The following CNTNAP2 variants were observed in gnomAD, a reference collection of about 807,000 sequenced individuals.
CNTNAP2 encodes the protein contactin-associated protein-like 2.
In CNTNAP2, 98 loss-of-function variants were observed where a neutral mutation model predicts 155.2. The ratio of observed to expected loss-of-function variants is 0.63; its 90% CI spans 0.54 to 0.75. The LOEUF (loss-of-function observed/expected upper bound fraction) is 0.75. Among genes scored for constraint, CNTNAP2 ranks in the 30% least tolerant of loss-of-function variants. CNTNAP2 has a pLI of 0.00. For missense variants in CNTNAP2, 1,727 were observed against 1,688.1 expected, an observed-to-expected ratio of 1.02 and a Z score of -0.40; for synonymous variants, 651 against 631.2, an observed-to-expected ratio of 1.03 and a Z score of -0.47.
intron 15 of CNTNAP2, among the ~76,000 whole-genome samples, chr7:148,056,082 G>T (rs935854423): frequency 6.6e-6 from 1 of 152,214 alleles, no homozygotes; most frequent in South Asian, 2.1e-4. Flanking sequence ...TAAAAGATAT[G>T]CAGACTGTAT....
chr7:147,855,373 T>C (rs1285076895), intron 13 of CNTNAP2, among the ~76,000 whole-genome samples: 1 of 152,194 alleles, frequency 6.6e-6, no homozygotes, highest in Non-Finnish European at 1.5e-5. Context: ...CAGGTGTTTG[T>C]TTCTTCTCAG....
intron 20 of CNTNAP2, among the ~76,000 whole-genome samples, chr7:148,251,895 A>G (rs1796369022): frequency 6.6e-6 from 1 of 152,134 alleles, no homozygotes; most frequent in African/African-American, 2.4e-5. Flanking sequence ...GTTCCCAGCC[A>G]TGCTGTAGCC....
At chr7:146,909,077 C>T (rs1414398319) in intron 3 of CNTNAP2, among the ~76,000 whole-genome samples, 2 of 152,032 alleles carry the variant, frequency 1.3e-5, no homozygotes, top group Non-Finnish European at 2.9e-5. Flanking sequence ...TTCCTCGACA[C>T]ATACACTCTC....
intron 12 of CNTNAP2, among the ~76,000 whole-genome samples, chr7:147,613,723 A>G (rs1476042161): frequency 6.6e-6 from 1 of 152,096 alleles, no homozygotes; most frequent in Non-Finnish European, 1.5e-5. Flanking sequence ...GGCACCCATA[A>G]TCCCAGCTAC....
chr7:147,123,828 C>G (rs111573981), intron 6 of CNTNAP2, among the ~76,000 whole-genome samples: 6,416 of 152,170 alleles, frequency 0.042, 414 homozygotes, highest in African/African-American at 0.14. Flanking sequence ...TTCACCTGTG[C>G]TCAGGAGTTT....
chr7:148,309,582 A>G (rs1173871575), intron 21 of CNTNAP2, among the ~76,000 whole-genome samples: 2 of 151,862 alleles, frequency 1.3e-5, no homozygotes. Flanking sequence ...ATTACAGTCA[A>G]AGGGGGGTTA....
rs555776601 is a variant in CNTNAP2 at position 148,299,253 on chromosome 7, A to G, written c.3475+32127A>G. Among the ~76,000 whole-genome samples the G allele has an allele frequency of 1.1e-4, 16 of 152,238 alleles. No homozygotes were observed. The South Asian group carries it at 3.3e-3, about 32-fold the overall frequency. The stretch of plus-strand genomic sequence containing the variant: ...GATGTGCCCTCCTCAGCCTCCCAAA[A>G]TGCTGGTATTACAGATGTGAGCCAC... On this transcript the variant is annotated intron_variant, in intron 21 of 23. Coordinates refer to ENST00000361727, the MANE Select transcript of CNTNAP2 (RefSeq NM_014141.6).
intron 1 of CNTNAP2, among the ~76,000 whole-genome samples, chr7:146,408,516 G>A (rs369987200): frequency 3.2e-4 from 48 of 150,856 alleles, no homozygotes; most frequent in African/African-American, 1.1e-3. Flanking sequence ...GCAAACTGTC[G>A]CCAAGGACAA....
intron 20 of CNTNAP2, among the ~76,000 whole-genome samples, chr7:148,231,042 T>C (rs1168604512): frequency 6.6e-6 from 1 of 152,196 alleles, no homozygotes; most frequent in Non-Finnish European, 1.5e-5. Flanking sequence ...TGTCACCTCT[T>C]TTAAAGAAAG....
At chr7:147,480,627 T>C (rs143506947) in intron 10 of CNTNAP2, among the ~76,000 whole-genome samples, 2 of 152,332 alleles carry the variant, frequency 1.3e-5, no homozygotes, top group African/African-American at 4.8e-5. Context: ...GATTAAAACA[T>C]GGCAGGAGGA....
At chr7:146,500,973 G>A (rs1797292230) in intron 1 of CNTNAP2, among the ~76,000 whole-genome samples, 1 of 151,786 alleles carries the variant, frequency 6.6e-6, no homozygotes, top group East Asian at 1.9e-4. Flanking sequence ...CTATTGAGAT[G>A]GTCTTGAGGA....
At position 146,971,115 on chromosome 7, in the gene CNTNAP2, A is replaced by T. The variant is rs542623275; in HGVS notation, c.403-72792A>T. Among the ~76,000 whole-genome samples the T allele has an allele frequency of 2.6e-5, 4 of 152,232 alleles. No individual in the cohort carries two copies. The East Asian group carries it at 7.7e-4, about 29-fold the overall frequency. ...GAGATATACCTAATGCTAAATGACA[A>T]GTTAATGGGTGCAGCACACCAGCAT... On this transcript the variant is annotated intron_variant, in intron 3 of 23. Coordinates refer to ENST00000361727, the MANE Select transcript of CNTNAP2 (RefSeq NM_014141.6).
chr7:146,603,240 G>T (rs896228567), intron 1 of CNTNAP2, among the ~76,000 whole-genome samples: 1 of 150,928 alleles, frequency 6.6e-6, no homozygotes, highest in Non-Finnish European at 1.5e-5. Context: ...GTGAAACCCC[G>T]TCTCTACTAA....
chr7:146,849,539 C>G (rs1285599089), intron 3 of CNTNAP2, among the ~76,000 whole-genome samples: 1 of 152,174 alleles, frequency 6.6e-6, no homozygotes, highest in Non-Finnish European at 1.5e-5. Context: ...AATATCTGAA[C>G]TCTGCTCCAA....
At chr7:147,425,693 C>T (rs548300234) in intron 10 of CNTNAP2, among the ~76,000 whole-genome samples, 32 of 152,196 alleles carry the variant, frequency 2.1e-4, no homozygotes, top group African/African-American at 7.2e-4. Context: ...CTACTGAATC[C>T]TTCGTCCATA....
chr7:147,305,026 C>G (rs1281081599), intron 9 of CNTNAP2, among the ~76,000 whole-genome samples: 1 of 152,060 alleles, frequency 6.6e-6, no homozygotes, highest in Non-Finnish European at 1.5e-5. Context: ...TATGAGTGCA[C>G]CAGTCCCATC....
At chr7:147,996,449 T>C (rs1157551222) in intron 15 of CNTNAP2, among the ~76,000 whole-genome samples, 4 of 152,184 alleles carry the variant, frequency 2.6e-5, no homozygotes, top group Non-Finnish European at 5.9e-5. Flanking sequence ...CTCAGAATAT[T>C]TGGGGGCAGA....
intron 12 of CNTNAP2, among the ~76,000 whole-genome samples, chr7:147,596,723 A>C (rs964870618): frequency 1.3e-5 from 2 of 152,208 alleles, no homozygotes; most frequent in African/African-American, 4.8e-5. Context: ...AATAAGGCTG[A>C]GACCTACTGA....
chr7:146,798,941 G>T (rs768180758), intron 2 of CNTNAP2, among the ~76,000 whole-genome samples: 3 of 152,118 alleles, frequency 2.0e-5, no homozygotes, highest in African/African-American at 7.2e-5. Flanking sequence ...AGTACATTAT[G>T]TGAGCTAAAT....
Sources: gnomAD v4.1 joint callset for allele counts (sites outside exome capture counted in the v4.1 genomes callset) on GRCh38, gnomAD v4.1.1 for gene constraint, MANE v1.5 for transcripts, NCBI Gene and HGNC (gene_info 2026-07-23, HGNC 2026-07-21) for gene names.